ITPRID1: variants seen among roughly 807,000 people sequenced by gnomAD.
ITPRID1 encodes the protein ITPR interacting domain containing 1, also known as protein ITPRID1.
In ITPRID1, 96 loss-of-function variants were observed where a neutral mutation model predicts 95.4. The ratio of observed to expected loss-of-function variants is 1.01; its 90% CI spans 0.85 to 1.19. ITPRID1 has a LOEUF of 1.19. Among genes scored for constraint, ITPRID1 ranks in the 50% most tolerant of loss-of-function variants. The probability of loss-of-function intolerance (pLI) is 0.00; values close to 1 mark genes in which losing one functional copy is unlikely to be tolerated. For missense variants in ITPRID1, 1,339 were observed against 1,252.9 expected (o/e 1.07, Z -1.04); for synonymous variants, 510 against 453.6 (o/e 1.12, Z -1.58).
chr7:31,573,440 A>G (rs1320141837), intron 7 of ITPRID1, among the ~76,000 whole-genome samples: 1 of 152,144 alleles, frequency 6.6e-6, no homozygotes, highest in Admixed American at 6.5e-5. Flanking sequence ...TGCTGGTTGT[A>G]TCTGGTAAGT....
chr7:31,594,489 T>C (rs1785994540), intron 10 of ITPRID1, among the ~76,000 whole-genome samples: 1 of 152,246 alleles, frequency 6.6e-6, no homozygotes, highest in Non-Finnish European at 1.5e-5. Context: ...TTTGTTACCA[T>C]GTGCATATGT....
intron 8 of ITPRID1, among the ~76,000 whole-genome samples, chr7:31,575,592 G>A (rs1785152655): frequency 6.6e-6 from 1 of 152,178 alleles, no homozygotes. Context: ...TAGAGGGGAT[G>A]CAGTGCAGCA....
intron 10 of ITPRID1, among the ~76,000 whole-genome samples, chr7:31,592,082 T>C (rs1459455655): frequency 6.6e-6 from 1 of 152,170 alleles, no homozygotes; most frequent in Non-Finnish European, 1.5e-5. Flanking sequence ...TAAGAAAATG[T>C]GAACCAACAA....
intron 1 of ITPRID1, among the ~76,000 whole-genome samples, chr7:31,519,618 C>CTA (rs1436134437): frequency 9.3e-3 from 294 of 31,642 alleles, no homozygotes; most frequent in Middle Eastern, 0.025. Context: ...CTCTCTCTCT[C>CTA]TCTATATATA....
chr7:31,641,939 C>A (rs2041368), intron 10 of ITPRID1, among the ~76,000 whole-genome samples: 1 of 152,140 alleles, frequency 6.6e-6, no homozygotes, highest in East Asian at 1.9e-4. Context: ...ACATTAGTTT[C>A]TCTTCCTTCG....
At chr7:31,634,995 T>C (rs1789349662) in intron 10 of ITPRID1, among the ~76,000 whole-genome samples, 1 of 152,196 alleles carries the variant, frequency 6.6e-6, no homozygotes, top group Admixed American at 6.5e-5. Flanking sequence ...GGCGTGCTGG[T>C]ACCACTGCCA....
At position 31,554,484 on chromosome 7, in the gene ITPRID1, A is replaced by C. The variant is rs755133738; in HGVS notation, c.173A>C (p.Lys58Thr). The change falls in exon 4 of 15, where the codon AAG becomes ACG. Residue 58 changes from lysine to threonine, a missense_variant. Coordinates refer to ENST00000615280, the MANE Select transcript of ITPRID1 (RefSeq NM_001257967.3). ...TCTTTCTTACTTGTAGAAGATTCCA[A>C]GCAAGAAAGTATTCAGCAGTGGCTG... ...SLTIPMLEDSKQESIQQWLDS... is the reference protein window; with the variant it reads ...SLTIPMLEDSTQESIQQWLDS... 41 of 1,612,692 alleles carry C rather than the reference A, an allele frequency of 2.5e-5. No individual in the cohort carries two copies. Among genetic ancestry groups the C allele is most frequent in the Non-Finnish European group, 3.5e-5 (41 of 1,179,316 alleles).
At chr7:31,570,690 G>A (rs949552303) in intron 6 of ITPRID1, among the ~76,000 whole-genome samples, 1 of 152,148 alleles carries the variant, frequency 6.6e-6, no homozygotes. Flanking sequence ...AGAGGAAAAT[G>A]AGAGCCAGGT....
At chr7:31,651,565 TGA>T (rs1790953723) in intron 13 of ITPRID1, among the ~76,000 whole-genome samples, 1 of 152,090 alleles carries the variant, frequency 6.6e-6, no homozygotes, top group African/African-American at 2.4e-5. Flanking sequence ...GTGGGAGTTA[TGA>T]GAGTTTTGAA....
At chr7:31,626,025 G>GA (rs1317026875) in intron 10 of ITPRID1, among the ~76,000 whole-genome samples, 1 of 152,108 alleles carries the variant, frequency 6.6e-6, no homozygotes, top group Non-Finnish European at 1.5e-5. Flanking sequence ...CTAACTCTAT[G>GA]ATTTTTCCAG....
At chr7:31,658,474 G>T, downstream of ITPRID1, 1 of 1,247,352 alleles carries the variant, frequency 8.0e-7, no homozygotes, top group Non-Finnish European at 1.0e-6. Context: ...AAAGAGGTTA[G>T]AGTATCAAAG....
Position 31,656,032 on chromosome 7 carries a change from A to T in ITPRID1, c.*3203A>T, listed in dbSNP as rs1444494416. 1.0e-6 allele frequency: 1 copy of T among 983,848 alleles called. No individual in the cohort carries two copies. The highest frequency in any genetic ancestry group is 1.2e-6 in the Non-Finnish European group (1 of 828,638). The allele number at this position is 983,848 out of a possible 1,614,324, so 60.9% of individuals were successfully genotyped here. A position where few individuals can be genotyped will look rare whatever the true frequency, so the allele number is the denominator to read the frequency against. On this transcript the variant is annotated 3_prime_UTR_variant, in exon 15 of 15. Coordinates refer to ENST00000615280, the MANE Select transcript of ITPRID1 (RefSeq NM_001257967.3). ...TTTGCTGAAACAAATGAAGTATCTC[A>T]CCAGTAAGTCCTAGGGCAGACCCCA...
At chr7:31,633,823 C>A (rs1403824170) in intron 10 of ITPRID1, among the ~76,000 whole-genome samples, 1 of 152,132 alleles carries the variant, frequency 6.6e-6, no homozygotes, top group Non-Finnish European at 1.5e-5. Flanking sequence ...TTCAAACAGT[C>A]TGAGGTTGAA....
chr7:31,648,225 G>T (rs895199750), intron 12 of ITPRID1, among the ~76,000 whole-genome samples: 4 of 152,112 alleles, frequency 2.6e-5, no homozygotes, highest in Non-Finnish European at 4.4e-5. Context: ...TTTTGGTGAT[G>T]GTGCTCTTAC....
intron 10 of ITPRID1, among the ~76,000 whole-genome samples, chr7:31,617,374 C>T (rs1446673065): frequency 6.6e-6 from 1 of 152,070 alleles, no homozygotes; most frequent in Non-Finnish European, 1.5e-5. Flanking sequence ...TATCATACCT[C>T]TATGTAGTAT....
At chr7:31,602,443 G>A (rs1786434796) in intron 10 of ITPRID1, among the ~76,000 whole-genome samples, 1 of 152,076 alleles carries the variant, frequency 6.6e-6, no homozygotes, top group African/African-American at 2.4e-5. Context: ...TTGCTTATTT[G>A]TTGTTTATTC....
intron 10 of ITPRID1, among the ~76,000 whole-genome samples, chr7:31,594,318 G>C (rs892262873): frequency 6.6e-6 from 1 of 152,174 alleles, no homozygotes. Context: ...ATGTGTCCCT[G>C]TTGTTAGATG....
intron 10 of ITPRID1, among the ~76,000 whole-genome samples, chr7:31,612,388 G>T (rs1352052016): frequency 6.6e-6 from 1 of 151,884 alleles, no homozygotes; most frequent in Non-Finnish European, 1.5e-5. Context: ...GTGTGTGTGG[G>T]TCATTCTTTC....
chr7:31,523,488 G>A, intron 1 of ITPRID1, among the ~76,000 whole-genome samples: 1 of 152,208 alleles, frequency 6.6e-6, no homozygotes, highest in South Asian at 2.1e-4. Context: ...ATGAGGGATT[G>A]ATATAGATTG....
Sources: gnomAD v4.1 joint callset for allele counts (sites outside exome capture counted in the v4.1 genomes callset) on GRCh38, gnomAD v4.1.1 for gene constraint, MANE v1.5 for transcripts, NCBI Gene and HGNC (gene_info 2026-07-23, HGNC 2026-07-21) for gene names.